SNRPN: variants seen among roughly 807,000 people sequenced by gnomAD.
SNRPN encodes the protein small nuclear ribonucleoprotein-associated protein N.
In SNRPN, 7 loss-of-function variants were observed where a neutral mutation model predicts 25.2. The ratio of observed to expected loss-of-function variants is 0.28; its 90% CI spans 0.16 to 0.52. SNRPN has a LOEUF of 0.52. Ranked by LOEUF, SNRPN falls within the 20% of genes least tolerant of loss-of-function variation. The pLI, the probability that SNRPN is intolerant of heterozygous loss-of-function variation, is 0.96. For synonymous variants in SNRPN, 124 were observed against 110.6 expected, an observed-to-expected ratio of 1.12 and a Z score of -0.76; for missense variants, 196 against 322.5, an observed-to-expected ratio of 0.61 and a Z score of 3.00.
At chr15:24,936,805 A>T (rs1313551168) in intron 3 of SNRPN, among the ~76,000 whole-genome samples, 1 of 152,136 alleles carries the variant, frequency 6.6e-6, no homozygotes, top group East Asian at 1.9e-4. Context: ...CACGTCCAAC[A>T]TTGGGGATTA....
At chr15:24,931,596 G>C (rs781348168) in intron 3 of SNRPN, among the ~76,000 whole-genome samples, 55 of 152,016 alleles carry the variant, frequency 3.6e-4, no homozygotes, top group Admixed American at 8.5e-4. Context: ...CACTTTGGGA[G>C]GTGGAGGGGC....
intron 2 of SNRPN, chr15:24,848,903 T>A (rs1156249754): frequency 6.6e-6 from 1 of 151,938 alleles, no homozygotes; most frequent in Non-Finnish European, 1.5e-5. Flanking sequence ...TTTTTTAATT[T>A]TTATTTTATT....
chr15:24,910,474 CA>C (rs918231705), intron 2 of SNRPN, among the ~76,000 whole-genome samples: 12 of 149,760 alleles, frequency 8.0e-5, no homozygotes, highest in East Asian at 5.9e-4. Flanking sequence ...GATCCCATCT[CA>C]AAAAAAAATG....
chr15:24,978,139 T>C, intron 8 of SNRPN, 54 bp from the exon 9 acceptor site: 1 of 1,577,986 alleles, frequency 6.3e-7, no homozygotes, highest in Non-Finnish European at 8.7e-7. Flanking sequence ...GGCTAAATTC[T>C]AACTTTTCTA....
At chr15:24,957,152 T>G (rs2063070937) in intron 1 of SNRPN, among the ~76,000 whole-genome samples, 1 of 152,202 alleles carries the variant, frequency 6.6e-6, no homozygotes, top group African/African-American at 2.4e-5. Flanking sequence ...CCATTTAAGA[T>G]TCAGTTATCC....
At chr15:24,845,598 CA>C (rs1233174256) in intron 2 of SNRPN, among the ~76,000 whole-genome samples, 2 of 149,010 alleles carry the variant, frequency 1.3e-5, no homozygotes, top group Non-Finnish European at 3.0e-5. Context: ...AACTCCGTCT[CA>C]AAAAAAAAGA....
chr15:24,954,936 T>C, upstream of SNRPN: 1 of 1,496,366 alleles, frequency 6.7e-7, no homozygotes, highest in Non-Finnish European at 9.2e-7. Context: ...CTGGCGCGCA[T>C]GCTCAGGCGG....
At chr15:24,927,736 A>G (rs1335099648) in intron 3 of SNRPN, among the ~76,000 whole-genome samples, 1 of 152,022 alleles carries the variant, frequency 6.6e-6, no homozygotes, top group Non-Finnish European at 1.5e-5. Flanking sequence ...CTTGTTTGGC[A>G]CTAAGTATCT....
intron 2 of SNRPN, among the ~76,000 whole-genome samples, chr15:24,847,287 A>AG (rs2052292338): frequency 6.6e-6 from 1 of 152,190 alleles, no homozygotes; most frequent in Non-Finnish European, 1.5e-5. Flanking sequence ...GGGAAAAAAA[A>AG]GGTGAGGCCC....
chr15:24,827,095 G>C (rs562356705), intron 1 of SNRPN, among the ~76,000 whole-genome samples: 5 of 152,160 alleles, frequency 3.3e-5, no homozygotes, highest in African/African-American at 1.2e-4. Context: ...AACTGGTACT[G>C]CTGTTTAAAG....
chr15:24,928,721 C>T (rs2060587487), intron 3 of SNRPN, among the ~76,000 whole-genome samples: 1 of 152,108 alleles, frequency 6.6e-6, no homozygotes, highest in South Asian at 2.1e-4. Flanking sequence ...AAACAATCCT[C>T]CTGCCTCAGC....
chr15:24,958,507 T>TTG (rs1468355392), intron 1 of SNRPN, among the ~76,000 whole-genome samples: 1 of 139,108 alleles, frequency 7.2e-6, no homozygotes, highest in South Asian at 2.4e-4. Context: ...TTTTTTTTTT[T>TTG]TTTTTTTTTT....
At chr15:24,952,595 C>A (rs553977314), upstream of SNRPN, among the ~76,000 whole-genome samples, 3 of 152,040 alleles carry the variant, frequency 2.0e-5, 1 homozygote, top group Non-Finnish European at 4.4e-5. Flanking sequence ...GACTCCAAAG[C>A]GAATTTCCTA....
chr15:24,930,900 GAAA>G (rs997199848), intron 3 of SNRPN, among the ~76,000 whole-genome samples: 3 of 125,930 alleles, frequency 2.4e-5, no homozygotes, highest in African/African-American at 5.8e-5. Context: ...GTCTGTCTCA[GAAA>G]AAAAAAAAAA....
intron 1 of SNRPN, among the ~76,000 whole-genome samples, chr15:24,868,361 A>G (rs1044870577): frequency 6.6e-6 from 1 of 152,198 alleles, no homozygotes; most frequent in African/African-American, 2.4e-5. Context: ...GCTGTTGTCC[A>G]GAGGCTGCAT....
intron 3 of SNRPN, among the ~76,000 whole-genome samples, chr15:24,924,053 C>T (rs2060223284): frequency 6.7e-6 from 1 of 149,120 alleles, no homozygotes; most frequent in Non-Finnish European, 1.5e-5. Flanking sequence ...AGCTCCTGAA[C>T]TCAGGAGTCT....
chr15:24,978,435 A>G lies in SNRPN; in HGVS notation c.714A>G (p.Pro238=). 6.2e-7 allele frequency: 1 copy of G among 1,613,250 alleles called. No homozygotes were observed. The highest frequency in any genetic ancestry group is 8.5e-7 in the Non-Finnish European group (1 of 1,179,666). Reference sequence around the variant, plus strand: ...CACCTCCCCCAGGAATGCGTCCACCAAGACCTTAGCATACTGTTGATCCAT... The same window carrying G: ...CACCTCCCCCAGGAATGCGTCCACCGAGACCTTAGCATACTGTTGATCCAT... The part of the protein sequence containing the change: ...RGPPPPGMRP[P]RP Residue 238 remains proline, a synonymous_variant, in exon 10 of 10, where the codon CCA becomes CCG. Coordinates refer to ENST00000390687, the MANE Select transcript of SNRPN (RefSeq NM_003097.6).
chr15:24,905,609 A>G (rs1352953525), intron 2 of SNRPN, among the ~76,000 whole-genome samples: 1 of 152,176 alleles, frequency 6.6e-6, no homozygotes, highest in Non-Finnish European at 1.5e-5. Context: ...ATCAGCTGTA[A>G]CATTTGTTGG....
chr15:24,861,687 C>CAA (rs2053997876), intron 1 of SNRPN, among the ~76,000 whole-genome samples: 2 of 152,142 alleles, frequency 1.3e-5, no homozygotes, highest in Admixed American at 1.3e-4. Flanking sequence ...TATGAGAGTA[C>CAA]CCTCCTATAT....
Sources: gnomAD v4.1 joint callset for allele counts (sites outside exome capture counted in the v4.1 genomes callset) on GRCh38, gnomAD v4.1.1 for gene constraint, MANE v1.5 for transcripts, NCBI Gene and HGNC (gene_info 2026-07-23, HGNC 2026-07-21) for gene names.